Variants in NMNAT2 observed in about 807,000 individuals in gnomAD.
NMNAT2 encodes nicotinamide/nicotinic acid mononucleotide adenylyltransferase 2.
NMNAT2 carries 11 observed loss-of-function variants against 41.6 expected under a neutral mutation model. The ratio of observed to expected loss-of-function variants is 0.26; its 90% CI spans 0.17 to 0.44. The LOEUF (loss-of-function observed/expected upper bound fraction) is 0.44. NMNAT2 is among the 20% of genes least tolerant of loss of function. The pLI is 1.00. For synonymous variants in NMNAT2, 148 were observed against 151.2 expected (o/e 0.98, Z 0.16); for missense variants, 288 against 407.7 (o/e 0.71, Z 2.53).
At position 183,318,014 on chromosome 1, in the gene NMNAT2, C is replaced by T. The variant is rs182358989; in HGVS notation, c.86-24221G>A. Among the ~76,000 whole-genome samples, 188 of 152,288 alleles carry T rather than the reference C, an allele frequency of 1.2e-3. 2 individuals are homozygous for T. Among genetic ancestry groups the T allele is most frequent in the South Asian group, 4.1e-4 (2 of 4,828 alleles). On this transcript the variant is annotated intron_variant, in intron 1 of 10. Coordinates refer to ENST00000287713, the MANE Select transcript of NMNAT2 (RefSeq NM_015039.4). ...GTTAAAGGAGCTGTAATAGCCAAAA[C>T]GTCTGAGTGTCTATTATGTTCTGGG...
chr1:183,318,198 G>A (rs924635763), intron 1 of NMNAT2, among the ~76,000 whole-genome samples: 4 of 152,172 alleles, frequency 2.6e-5, no homozygotes, highest in Non-Finnish European at 5.9e-5. Flanking sequence ...TCCCCAGCAG[G>A]CCCTGGGACC....
chr1:183,325,205 C>G (rs977358899), intron 1 of NMNAT2, among the ~76,000 whole-genome samples: 3 of 152,150 alleles, frequency 2.0e-5, no homozygotes, highest in African/African-American at 7.2e-5. Flanking sequence ...AAGCTGAGGC[C>G]CAGTGAGATG....
chr1:183,270,088 G>A (rs1176484531), intron 8 of NMNAT2, among the ~76,000 whole-genome samples: 3 of 152,108 alleles, frequency 2.0e-5, no homozygotes, highest in Non-Finnish European at 2.9e-5. Context: ...GTTTCACTGT[G>A]TTAGCCAGGA....
At chr1:183,414,173 C>G (rs930086827) in intron 1 of NMNAT2, among the ~76,000 whole-genome samples, 3 of 152,186 alleles carry the variant, frequency 2.0e-5, no homozygotes, top group Admixed American at 2.0e-4. Flanking sequence ...ATTTAAACTG[C>G]AGCTAGCAGA....
chr1:183,298,046 AAC>A (rs1375024961), intron 1 of NMNAT2, among the ~76,000 whole-genome samples: 1 of 152,204 alleles, frequency 6.6e-6, no homozygotes, highest in Non-Finnish European at 1.5e-5. Flanking sequence ...AATAGAAAGA[AAC>A]GTCCTCGACT....
chr1:183,275,396 G>C (rs1661097709), intron 8 of NMNAT2, among the ~76,000 whole-genome samples: 1 of 152,080 alleles, frequency 6.6e-6, no homozygotes, highest in Non-Finnish European at 1.5e-5. Context: ...TGTGGGTTGA[G>C]GCAGGGGACT....
intron 1 of NMNAT2, among the ~76,000 whole-genome samples, chr1:183,340,049 A>G (rs1350063244): frequency 1.3e-5 from 2 of 152,234 alleles, no homozygotes; most frequent in Non-Finnish European, 2.9e-5. Context: ...AGGAGCAGAG[A>G]GCCTGGTCCA....
At chr1:183,324,325 G>C (rs1210253848) in intron 1 of NMNAT2, among the ~76,000 whole-genome samples, 5 of 152,222 alleles carry the variant, frequency 3.3e-5, no homozygotes, top group Non-Finnish European at 7.3e-5. Flanking sequence ...AACTGACGAT[G>C]CTTCTTGCAT....
intron 1 of NMNAT2, among the ~76,000 whole-genome samples, chr1:183,392,788 C>T (rs1269456534): frequency 6.6e-6 from 1 of 152,220 alleles, no homozygotes; most frequent in Non-Finnish European, 1.5e-5. Flanking sequence ...TCCTTCATCT[C>T]CTTCAAGTCC....
chr1:183,304,318 CTGGAAAGAAAG>C (rs1661942435), intron 1 of NMNAT2, among the ~76,000 whole-genome samples: 1 of 152,112 alleles, frequency 6.6e-6, no homozygotes, highest in East Asian at 1.9e-4. Flanking sequence ...GAAGGTAAGG[CTGGAAAGAAAG>C]TGGGGTAGAT....
intron 1 of NMNAT2, among the ~76,000 whole-genome samples, chr1:183,390,436 C>T (rs923945710): frequency 3.9e-5 from 6 of 152,092 alleles, no homozygotes; most frequent in Admixed American, 1.3e-4. Context: ...TGTTTAACGC[C>T]GGGTATGCTA....
At chr1:183,272,109 A>G (rs960183727) in intron 8 of NMNAT2, among the ~76,000 whole-genome samples, 21 of 152,218 alleles carry the variant, frequency 1.4e-4, no homozygotes, top group African/African-American at 4.6e-4. Context: ...AGCTGGCAGC[A>G]TCGGATCCCT....
chr1:183,276,203 G>A (rs1661121686), intron 8 of NMNAT2, among the ~76,000 whole-genome samples: 1 of 152,154 alleles, frequency 6.6e-6, no homozygotes, highest in Non-Finnish European at 1.5e-5. Context: ...AAGGGAAGAG[G>A]GTTGGGGCTG....
intron 1 of NMNAT2, among the ~76,000 whole-genome samples, chr1:183,346,498 G>C (rs544824416): frequency 6.6e-6 from 1 of 152,240 alleles, no homozygotes; most frequent in South Asian, 2.1e-4. Flanking sequence ...GGAGCCCCTC[G>C]TGCTGAAGTT....
chr1:183,269,745 G>A (rs994324164), intron 8 of NMNAT2, among the ~76,000 whole-genome samples: 1 of 152,234 alleles, frequency 6.6e-6, no homozygotes, highest in Non-Finnish European at 1.5e-5. Context: ...AAGACTCAGT[G>A]AGATTTAATA....
intron 1 of NMNAT2, among the ~76,000 whole-genome samples, chr1:183,412,873 T>C (rs1649156511): frequency 6.6e-6 from 1 of 152,194 alleles, no homozygotes; most frequent in Non-Finnish European, 1.5e-5. Context: ...GAGGTCAATA[T>C]GTTGCAGCAT....
intron 1 of NMNAT2, among the ~76,000 whole-genome samples, chr1:183,358,868 C>T (rs1302965579): frequency 1.3e-5 from 2 of 152,166 alleles, no homozygotes. Context: ...GCAGGCTCCC[C>T]TCCAAGCCAG....
At chr1:183,322,915 C>T (rs1359023292) in intron 1 of NMNAT2, among the ~76,000 whole-genome samples, 1 of 152,114 alleles carries the variant, frequency 6.6e-6, no homozygotes, top group Non-Finnish European at 1.5e-5. Context: ...CTCTCACAAA[C>T]ATCTCAATAC....
chr1:183,350,502 T>C (rs1663022981), intron 1 of NMNAT2, among the ~76,000 whole-genome samples: 1 of 152,236 alleles, frequency 6.6e-6, no homozygotes, highest in Non-Finnish European at 1.5e-5. Flanking sequence ...CTGTAAGTTA[T>C]CTTCAGTAAG....
Sources: allele counts gnomAD v4.1 joint callset (sites outside exome capture counted in the v4.1 genomes callset), GRCh38; gene constraint gnomAD v4.1.1; transcripts MANE v1.5; gene names NCBI Gene and HGNC (gene_info 2026-07-23, HGNC 2026-07-21).